RARB: variants seen among roughly 807,000 people sequenced by gnomAD.
The protein encoded by RARB is HBV-activated protein.
In RARB, 17 loss-of-function variants were observed where a neutral mutation model predicts 51.9. That is an observed-to-expected ratio of 0.33 (90% CI 0.22 to 0.49). The LOEUF (loss-of-function observed/expected upper bound fraction) is 0.49. Among genes scored for constraint, RARB ranks in the 20% least tolerant of loss-of-function variants. The probability of loss-of-function intolerance (pLI) is 0.99; values close to 1 mark genes in which losing one functional copy is unlikely to be tolerated. For synonymous variants in RARB, 215 were observed against 195.4 expected (o/e 1.10, Z -0.84); for missense variants, 369 against 550.8 (o/e 0.67, Z 3.30).
chr3:25,494,282 C>CACACACACACACACACACA (rs1696911548), intron 2 of RARB, among the ~76,000 whole-genome samples: 1 of 151,768 alleles, frequency 6.6e-6, no homozygotes, highest in African/African-American at 2.4e-5. Context: ...CACACACATG[C>CACACACACACACACACACA]CATCATTTAC....
chr3:25,088,987 C>A (rs1699149170), intron 3 of RARB, among the ~76,000 whole-genome samples: 1 of 151,908 alleles, frequency 6.6e-6, no homozygotes, highest in South Asian at 2.1e-4. Flanking sequence ...TGCCTTGTTC[C>A]CTCCCCACCC....
chr3:25,089,067 G>A (rs1453932230), intron 3 of RARB, among the ~76,000 whole-genome samples: 1 of 151,872 alleles, frequency 6.6e-6, no homozygotes, highest in Non-Finnish European at 1.5e-5. Context: ...TCTTTAGGGT[G>A]CAGAGATTGA....
At chr3:25,560,193 AG>A (rs951491608) in intron 3 of RARB, among the ~76,000 whole-genome samples, 5 of 152,356 alleles carry the variant, frequency 3.3e-5, no homozygotes, top group Non-Finnish European at 7.3e-5. Flanking sequence ...TAGCATTTCC[AG>A]GACCTCATTA....
At position 25,441,619 on chromosome 3, in the gene RARB, C is replaced by T. The variant is rs140298368; in HGVS notation, c.157+12731C>T. Reference sequence around the variant, plus strand: ...AGGTGGCGCTGGCGTCAGAGAGCCCCAACTGCAAATCCAATTCCCCGATAT... The same window carrying T: ...AGGTGGCGCTGGCGTCAGAGAGCCCTAACTGCAAATCCAATTCCCCGATAT... On this transcript the variant is annotated intron_variant, in intron 1 of 7. Transcript: ENST00000330688. 47 of 153,002 alleles carry T rather than the reference C, an allele frequency of 3.1e-4. No individual in the cohort carries two copies. The East Asian group carries it at 8.8e-3, about 29-fold the overall frequency. 9.5% of individuals were successfully genotyped at this position (153,002 alleles called of 1,614,324 possible).
At position 25,301,817 on chromosome 3, in the gene RARB, T is replaced by A. The variant is rs183616534; in HGVS notation, c.178+127242T>A. ...CACTAATATCACATCTGAGAAAGTA[T>A]CTTTGGCATAGATGCCAGACCATTG... On this transcript the variant is annotated intron_variant, in intron 5 of 11. Coordinates refer to the RARB transcript ENST00000383772. Among the ~76,000 whole-genome samples the A allele has an allele frequency of 2.6e-5, 4 of 152,284 alleles. No individual in the cohort carries two copies. In the East Asian group the frequency reaches 5.8e-4, roughly 22 times the overall value.
chr3:24,971,871 AT>A (rs920356830), intron 2 of RARB, among the ~76,000 whole-genome samples: 1 of 151,894 alleles, frequency 6.6e-6, no homozygotes, highest in Non-Finnish European at 1.5e-5. Flanking sequence ...ATGAATAAAT[AT>A]TTTTATTTTT....
rs142985480 is a variant in RARB at position 25,271,821 on chromosome 3, T to A, written c.178+97246T>A. On this transcript the variant is annotated intron_variant, in intron 5 of 11. Coordinates refer to the RARB transcript ENST00000383772. ...AAACCATTTTCTAGTAAGGCTTTTT[T>A]AAAATGTTCAATCTTGCTGAATAAG... 1.5e-3 allele frequency among the ~76,000 whole-genome samples: 225 copies of A among 152,336 alleles called. 3 individuals carry two copies. Among genetic ancestry groups the A allele is most frequent in the Admixed American group, 0.013 (193 of 15,300 alleles).
At chr3:25,109,745 C>G (rs905631902) in intron 3 of RARB, among the ~76,000 whole-genome samples, 1 of 152,142 alleles carries the variant, frequency 6.6e-6, no homozygotes, top group African/African-American at 2.4e-5. Flanking sequence ...AGCGTTACGT[C>G]AGCCATGCTT....
intron 2 of RARB, among the ~76,000 whole-genome samples, chr3:24,993,568 T>C (rs1696958408): frequency 6.6e-6 from 1 of 152,170 alleles, no homozygotes; most frequent in South Asian, 2.1e-4. Context: ...TTAAATATTA[T>C]TAACTATAGT....
At chr3:25,024,251 G>A (rs540436354) in intron 2 of RARB, among the ~76,000 whole-genome samples, 1 of 152,154 alleles carries the variant, frequency 6.6e-6, no homozygotes, top group East Asian at 1.9e-4. Flanking sequence ...TTTTTGAAAG[G>A]ATTGTTTGAT....
chr3:24,911,549 T>C (rs757039940), intron 2 of RARB, among the ~76,000 whole-genome samples: 12 of 152,246 alleles, frequency 7.9e-5, no homozygotes, highest in Non-Finnish European at 1.8e-4. Context: ...TTTTTATTTT[T>C]ATTTTTTGTT....
At chr3:25,053,889 G>A (rs62228517) in intron 2 of RARB, among the ~76,000 whole-genome samples, 22,529 of 152,066 alleles carry the variant, frequency 0.15, 1,880 homozygotes, top group South Asian at 0.21. Flanking sequence ...TGCCCTGCCT[G>A]TACTCATCTT....
chr3:25,336,921 G>A (rs976094586), intron 5 of RARB, among the ~76,000 whole-genome samples: 6 of 152,278 alleles, frequency 3.9e-5, no homozygotes, highest in East Asian at 1.9e-4. Context: ...GCTTAAGGGA[G>A]GAAAGATAAA....
intron 5 of RARB, among the ~76,000 whole-genome samples, chr3:25,327,197 T>C (rs1055847923): frequency 1.3e-5 from 2 of 151,852 alleles, no homozygotes; most frequent in African/African-American, 2.4e-5. Flanking sequence ...CAGGGAGAAA[T>C]AAGAGAAAAC....
chr3:25,201,155 A>C (rs1363652986), intron 5 of RARB, among the ~76,000 whole-genome samples: 9 of 152,004 alleles, frequency 5.9e-5, no homozygotes, highest in African/African-American at 1.7e-4. Flanking sequence ...CATCCCTTGT[A>C]AGTTGTGTTC....
intron 3 of RARB, among the ~76,000 whole-genome samples, chr3:25,060,864 A>G (rs1320254171): frequency 6.6e-6 from 1 of 151,840 alleles, no homozygotes; most frequent in African/African-American, 2.4e-5. Context: ...TATTTATGTA[A>G]TTTATCTGTT....
intron 3 of RARB, among the ~76,000 whole-genome samples, chr3:25,076,828 C>T (rs1698880295): frequency 6.6e-6 from 1 of 152,124 alleles, no homozygotes; most frequent in Non-Finnish European, 1.5e-5. Flanking sequence ...ACAAGAGATC[C>T]TCAATCCTTC....
intron 3 of RARB, among the ~76,000 whole-genome samples, chr3:25,565,699 G>A (rs1345331161): frequency 6.6e-6 from 1 of 152,166 alleles, no homozygotes. Context: ...GACAGCCACA[G>A]GCCCCACAGT....
chr3:24,902,117 C>T (rs959645080), intron 2 of RARB, among the ~76,000 whole-genome samples: 3 of 152,006 alleles, frequency 2.0e-5, no homozygotes, highest in East Asian at 3.9e-4. Flanking sequence ...GATTGATGTT[C>T]TTATTATCTC....
Sources: allele counts gnomAD v4.1 joint callset (sites outside exome capture counted in the v4.1 genomes callset), GRCh38; gene constraint gnomAD v4.1.1; transcripts MANE v1.5; gene names NCBI Gene and HGNC (gene_info 2026-07-23, HGNC 2026-07-21).